The following KREMEN1 variants were observed in gnomAD, a reference collection of about 807,000 sequenced individuals.
KREMEN1 encodes kremen protein 1.
Under a neutral mutation model 46.5 loss-of-function variants are expected in KREMEN1, and 30 were observed. That is an observed-to-expected ratio of 0.65 (90% CI 0.48 to 0.88). KREMEN1 has a LOEUF of 0.88. KREMEN1 is among the 40% of genes least tolerant of loss of function. The pLI is 0.00. For missense variants in KREMEN1, 533 were observed against 596.9 expected (o/e 0.89, Z 1.11); for synonymous variants, 214 against 230.6 (o/e 0.93, Z 0.65).
rs191272513 is a variant in KREMEN1 at position 29,165,495 on chromosome 22, G to A, written c.1417-1549G>A. ...GCCCTATTCAGTATGGGAGGTGACC[G>A]TACCAGGGCATGAAGCCAGGAGGTG... is the stretch of plus-strand genomic sequence containing the variant. On this transcript the variant is annotated intron_variant, in intron 9 of 9. Coordinates refer to the KREMEN1 transcript ENST00000327813. Among the ~76,000 whole-genome samples, 161 of 152,246 alleles carry A rather than the reference G, an allele frequency of 1.1e-3. 1 individual carries two copies. Among genetic ancestry groups the A allele is most frequent in the Non-Finnish European group, 1.9e-4 (13 of 68,022 alleles).
intron 9 of KREMEN1, among the ~76,000 whole-genome samples, chr22:29,157,682 G>T (rs184698766): frequency 6.6e-6 from 1 of 152,212 alleles, no homozygotes; most frequent in Non-Finnish European, 1.5e-5. Context: ...GTCCATGGCT[G>T]CACGGAGCTT....
At chr22:29,090,526 T>C (rs2037789369) in intron 1 of KREMEN1, among the ~76,000 whole-genome samples, 1 of 152,096 alleles carries the variant, frequency 6.6e-6, no homozygotes, top group Non-Finnish European at 1.5e-5. Flanking sequence ...AAAATAAAAG[T>C]TAAAAAACTT....
intron 9 of KREMEN1, among the ~76,000 whole-genome samples, chr22:29,152,646 C>G (rs866176317): frequency 1.3e-5 from 2 of 152,256 alleles, no homozygotes; most frequent in Non-Finnish European, 2.9e-5. Flanking sequence ...CACTCTCCCC[C>G]CAACCCCTCC....
chr22:29,143,949 C>T lies in KREMEN1; in HGVS notation c.*1837C>T, dbSNP rs1569337898. The T allele has an allele frequency of 1.0e-6, 1 of 985,298 alleles. No individual in the cohort carries two copies. The highest frequency in any genetic ancestry group is 1.2e-6 in the Non-Finnish European group (1 of 829,950). The allele number at this position is 985,298 out of a possible 1,614,324, so 61.0% of individuals were successfully genotyped here. On this transcript the variant is annotated 3_prime_UTR_variant, in exon 9 of 9. Transcript: ENST00000400335. ...ATTGGAGCTCCTCCAAGGAGCTCCT[C>T]CTAAGATTGAGTGCTGCAGCTGTAG...
chr22:29,154,549 G>T (rs538866887), intron 9 of KREMEN1: 1 of 152,360 alleles, frequency 6.6e-6, no homozygotes, highest in East Asian at 1.9e-4. Context: ...CTGCGGCAGA[G>T]CCCCCAGCCG....
rs2038801466 is a variant in KREMEN1, at chr22:29,143,439, A to G, written c.*1327A>G. 2.4e-5 allele frequency: 24 copies of G among 985,248 alleles called. No individual in the cohort carries two copies. Among genetic ancestry groups the G allele is most frequent in the Non-Finnish European group, 2.8e-5 (23 of 829,944 alleles). The allele number at this position is 985,248 out of a possible 1,614,324, so 61.0% of individuals were successfully genotyped here. A position where few individuals can be genotyped will look rare whatever the true frequency, so the allele number is the denominator to read the frequency against. On this transcript the variant is annotated 3_prime_UTR_variant, in exon 9 of 9. Coordinates refer to ENST00000400335, the MANE Select transcript of KREMEN1 (RefSeq NM_001039570.3). Reference sequence around the variant, plus strand: ...CCTTCCTTCTGGTGTCCCCCGTGTTAAAAGATAAAAAACACCCCAAGGGCC... The same window carrying G: ...CCTTCCTTCTGGTGTCCCCCGTGTTGAAAGATAAAAAACACCCCAAGGGCC...
chr22:29,118,234 G>A (rs1024986215), intron 3 of KREMEN1, among the ~76,000 whole-genome samples: 2 of 152,206 alleles, frequency 1.3e-5, no homozygotes, highest in African/African-American at 4.8e-5. Flanking sequence ...AATATGCAAA[G>A]CGAGAAAACA....
At chr22:29,139,623 A>G (rs2038729036) in intron 7 of KREMEN1, among the ~76,000 whole-genome samples, 1 of 151,794 alleles carries the variant, frequency 6.6e-6, no homozygotes, top group Admixed American at 6.6e-5. Flanking sequence ...GAGTAGAAAA[A>G]TTAGCTGGGC....
downstream of KREMEN1, among the ~76,000 whole-genome samples, chr22:29,148,983 A>G (rs1324456171): frequency 6.6e-6 from 1 of 151,680 alleles, no homozygotes; most frequent in African/African-American, 2.4e-5. Context: ...GGGAATCCCT[A>G]TGTGCTCTGT....
At chr22:29,106,224 T>C (rs1393584354) in intron 3 of KREMEN1, among the ~76,000 whole-genome samples, 1 of 151,782 alleles carries the variant, frequency 6.6e-6, no homozygotes, top group African/African-American at 2.4e-5. Context: ...TTATCTTTTT[T>C]TTTTTTTTCT....
chr22:29,132,937 C>T (rs1042071202), intron 5 of KREMEN1, among the ~76,000 whole-genome samples: 6 of 152,150 alleles, frequency 3.9e-5, no homozygotes, highest in African/African-American at 1.4e-4. Flanking sequence ...TCTTCCTTGC[C>T]TGCCTTCAAG....
At chr22:29,155,461 G>C (rs866731519) in intron 9 of KREMEN1, among the ~76,000 whole-genome samples, 1 of 152,148 alleles carries the variant, frequency 6.6e-6, no homozygotes, top group Non-Finnish European at 1.5e-5. Flanking sequence ...CTTGAGCCTG[G>C]GAGGTCTAGG....
intron 9 of KREMEN1, among the ~76,000 whole-genome samples, chr22:29,161,394 C>A (rs1380694598): frequency 6.7e-6 from 1 of 149,190 alleles, no homozygotes; most frequent in East Asian, 2.0e-4. Flanking sequence ...GTAGTCCCAA[C>A]TACTTGGGAG....
intron 3 of KREMEN1, among the ~76,000 whole-genome samples, chr22:29,099,633 C>T (rs1697797915): frequency 1.4e-5 from 2 of 146,900 alleles, no homozygotes; most frequent in Non-Finnish European, 3.0e-5. Flanking sequence ...TCACTGCAAC[C>T]TCCACCTCCC....
At position 29,161,256 on chromosome 22, in the gene KREMEN1, C is replaced by T. The variant is rs139713328; in HGVS notation, c.1417-5788C>T. On this transcript the variant is annotated intron_variant, in intron 9 of 9. Coordinates refer to the KREMEN1 transcript ENST00000327813. ...GGCGTGGTGGCTCATGCCTGTGATC[C>T]CAGCACTTTGGGGGGCCAAGGTGGG... 9.9e-3 allele frequency among the ~76,000 whole-genome samples: 1,506 copies of T among 151,652 alleles called. 20 individuals are homozygous for T. Among genetic ancestry groups the T allele is most frequent in the African/African-American group, 0.027 (1,106 of 41,062 alleles).
Position 29,129,496 on chromosome 22 carries a change from C to T in KREMEN1, c.631+4080C>T, listed in dbSNP as rs556042939. ...CCATGATTTAGGAGGGTGAAGATGT[C>T]TCCCTAAAGATATTGGAGAAGTTAG... On this transcript the variant is annotated intron_variant, in intron 5 of 8. Transcript: ENST00000400335. Among the ~76,000 whole-genome samples, 3 of 152,248 alleles carry T rather than the reference C, an allele frequency of 2.0e-5. No individual in the cohort carries two copies. In the South Asian group the frequency reaches 6.2e-4, roughly 32 times the overall value.
chr22:29,167,266 G>C lies in KREMEN1; in HGVS notation c.*160G>C. ...ACCAGCGTTTTGGGAGGCTGAGATG[G>C]GAGGATTGCTTGAGCCCAGGAGGTC... is the stretch of plus-strand genomic sequence containing the variant. On this transcript the variant is annotated 3_prime_UTR_variant, in exon 10 of 10. Coordinates refer to the KREMEN1 transcript ENST00000327813. 4 of 651,438 alleles carry C rather than the reference G, an allele frequency of 6.1e-6. No homozygotes were observed. In the South Asian group the frequency reaches 7.1e-5, roughly 12 times the overall value. 40.4% of individuals were successfully genotyped at this position (651,438 alleles called of 1,614,324 possible). A position where few individuals can be genotyped will look rare whatever the true frequency, so the allele number is the denominator to read the frequency against.
intron 2 of KREMEN1, among the ~76,000 whole-genome samples, chr22:29,097,496 G>A (rs1601765266): frequency 2.0e-5 from 3 of 152,222 alleles, no homozygotes; most frequent in African/African-American, 7.2e-5. Flanking sequence ...GTTTTCTTCA[G>A]TATTCTCTGA....
intron 3 of KREMEN1, among the ~76,000 whole-genome samples, chr22:29,107,301 G>A (rs2038077651): frequency 7.0e-6 from 1 of 142,980 alleles, no homozygotes; most frequent in South Asian, 2.2e-4. Flanking sequence ...TCAGCTCACT[G>A]CAACCTCTGC....
Sources: gnomAD v4.1 joint callset for allele counts (sites outside exome capture counted in the v4.1 genomes callset) on GRCh38, gnomAD v4.1.1 for gene constraint, MANE v1.5 for transcripts, NCBI Gene and HGNC (gene_info 2026-07-23, HGNC 2026-07-21) for gene names.